The following CCDC178 variants were observed in gnomAD, a reference collection of about 807,000 sequenced individuals.
CCDC178 encodes the protein coiled-coil domain containing 178.
CCDC178 carries 126 observed loss-of-function variants against 117.4 expected under a neutral mutation model. That is an observed-to-expected ratio of 1.07 (90% CI 0.93 to 1.24). The LOEUF (loss-of-function observed/expected upper bound fraction) is 1.24, where lower values mean the gene tolerates loss of function less well. Among genes scored for constraint, CCDC178 ranks in the 50% most tolerant of loss-of-function variants. CCDC178 has a pLI of 0.00. For synonymous variants in CCDC178, 283 were observed against 313.4 expected (o/e 0.90, Z 1.02); for missense variants, 1,030 against 986.9 (o/e 1.04, Z -0.59).
intron 14 of CCDC178, among the ~76,000 whole-genome samples, chr18:33,258,132 A>G (rs2059701535): frequency 6.6e-6 from 1 of 152,120 alleles, no homozygotes; most frequent in Middle Eastern, 3.2e-3. Context: ...TAAATGCACC[A>G]AAGTCCATCC....
chr18:33,413,726 C>A (rs2063891354), intron 2 of CCDC178, among the ~76,000 whole-genome samples: 1 of 152,100 alleles, frequency 6.6e-6, no homozygotes, highest in South Asian at 2.1e-4. Context: ...CCAGGAGAGG[C>A]AACTGAGAGG....
intron 12 of CCDC178, among the ~76,000 whole-genome samples, chr18:33,288,686 T>C (rs2060131848): frequency 2.0e-5 from 3 of 151,926 alleles, no homozygotes; most frequent in African/African-American, 7.3e-5. Context: ...AGAGTGTAGT[T>C]AGAGTTCAAA....
At chr18:32,996,892 G>A (rs942075607) in intron 21 of CCDC178, among the ~76,000 whole-genome samples, 4 of 151,892 alleles carry the variant, frequency 2.6e-5, no homozygotes, top group Admixed American at 2.6e-4. Flanking sequence ...TACCTCAACA[G>A]AAATAAATGA....
In CCDC178 at chr18:33,306,571, AATATATGGTTAT is replaced by A. The variant is rs530551784; in HGVS notation, c.1023-13271_1023-13260del. 1.0e-4 allele frequency among the ~76,000 whole-genome samples: 15 copies of A among 145,286 alleles called. No homozygotes were observed. The South Asian group carries it at 1.1e-3, about 11-fold the overall frequency. On this transcript the variant is annotated intron_variant, in intron 11 of 22. Coordinates refer to ENST00000383096, the MANE Select transcript of CCDC178 (RefSeq NM_001105528.4). ...TGGTTATATATATATGGTTATATAT[AATATATGGTTAT>A]ATATATGGTTATATATGGTTTTTTA... is the stretch of plus-strand genomic sequence containing the variant.
intron 11 of CCDC178, among the ~76,000 whole-genome samples, chr18:33,300,459 G>C (rs1179151050): frequency 2.0e-5 from 3 of 152,182 alleles, no homozygotes; most frequent in Admixed American, 1.3e-4. Context: ...GGAGTTTAGA[G>C]AGCTCAGAAG....
chr18:33,313,830 G>A (rs112686379), intron 11 of CCDC178, among the ~76,000 whole-genome samples: 4 of 152,228 alleles, frequency 2.6e-5, no homozygotes, highest in South Asian at 2.1e-4. Flanking sequence ...TAAGCTCAGC[G>A]CCTCAGGACA....
chr18:33,356,090 T>G (rs2063052983), intron 7 of CCDC178, among the ~76,000 whole-genome samples: 1 of 152,286 alleles, frequency 6.6e-6, no homozygotes, highest in East Asian at 1.9e-4. Context: ...CTGACTGATG[T>G]TTTTGCAAAT....
chr18:33,402,421 A>C (rs575225266), intron 3 of CCDC178, among the ~76,000 whole-genome samples: 1 of 152,306 alleles, frequency 6.6e-6, no homozygotes, highest in East Asian at 1.9e-4. Flanking sequence ...TGAAAAATAA[A>C]GGTCCACATT....
At chr18:33,296,861 C>A (rs1456298559) in intron 11 of CCDC178, among the ~76,000 whole-genome samples, 1 of 152,018 alleles carries the variant, frequency 6.6e-6, no homozygotes, top group Non-Finnish European at 1.5e-5. Context: ...TCTGCCTCTA[C>A]TAAAAATACA....
chr18:32,987,818 C>A lies in CCDC178; in HGVS notation c.2389-13137G>T, dbSNP rs145415348. On this transcript the variant is annotated intron_variant, in intron 21 of 22. Transcript: ENST00000383096. Reference sequence around the variant, plus strand: ...GTAAAGTTAAAAATAATACATTTGGCTGGGTGCAGTGGCTCACGCCTGTAA... The same window carrying A: ...GTAAAGTTAAAAATAATACATTTGGATGGGTGCAGTGGCTCACGCCTGTAA... Among the ~76,000 whole-genome samples, 71 of 152,188 alleles carry A rather than the reference C, an allele frequency of 4.7e-4. No homozygotes were observed. In the East Asian group the frequency reaches 0.013, roughly 28 times the overall value.
chr18:33,394,941 G>GTATATA (rs2063611571), intron 4 of CCDC178, among the ~76,000 whole-genome samples: 1 of 68,772 alleles, frequency 1.5e-5, no homozygotes, highest in African/African-American at 5.8e-5. Flanking sequence ...GTATATGTAT[G>GTATATA]TGTATATATA....
intron 21 of CCDC178, among the ~76,000 whole-genome samples, chr18:32,989,484 G>C (rs986440772): frequency 2.6e-5 from 4 of 152,108 alleles, no homozygotes; most frequent in Admixed American, 6.5e-5. Context: ...TCTGGAAAGA[G>C]CTAGATACTA....
intron 12 of CCDC178, among the ~76,000 whole-genome samples, chr18:33,287,316 T>C (rs1409907888): frequency 6.6e-6 from 1 of 152,228 alleles, no homozygotes; most frequent in Non-Finnish European, 1.5e-5. Context: ...ACATGTGCTC[T>C]TTGAAAATCT....
intron 21 of CCDC178, among the ~76,000 whole-genome samples, chr18:33,049,231 A>G (rs2056699560): frequency 6.6e-6 from 1 of 152,092 alleles, no homozygotes; most frequent in South Asian, 2.1e-4. Context: ...TATAAAAGAA[A>G]TCCTACAAAG....
chr18:33,033,619 C>T lies in CCDC178; in HGVS notation c.2389-58938G>A, dbSNP rs562456133. Among the ~76,000 whole-genome samples the T allele has an allele frequency of 7.2e-5, 11 of 152,160 alleles. 1 individual carries two copies. Among genetic ancestry groups the T allele is most frequent in the Non-Finnish European group, 1.6e-4 (11 of 67,984 alleles). ...AAAATAAAAGAAAGCAAAGACATAA[C>T]TCCCTTCAACCTAGAATCCTTTCTA... On this transcript the variant is annotated intron_variant, in intron 21 of 22. Coordinates refer to ENST00000383096, the MANE Select transcript of CCDC178 (RefSeq NM_001105528.4).
chr18:33,216,840 T>A (rs2059171701), intron 18 of CCDC178, among the ~76,000 whole-genome samples: 1 of 151,978 alleles, frequency 6.6e-6, no homozygotes, highest in Non-Finnish European at 1.5e-5. Flanking sequence ...TAAGATTTGT[T>A]GATAGGTCCA....
chr18:33,290,315 G>T (rs1302672895), intron 12 of CCDC178, among the ~76,000 whole-genome samples: 1 of 151,996 alleles, frequency 6.6e-6, no homozygotes, highest in Non-Finnish European at 1.5e-5. Flanking sequence ...AAACATATCA[G>T]GATCACATTA....
intron 20 of CCDC178, among the ~76,000 whole-genome samples, chr18:33,127,004 A>G (rs1386409645): frequency 1.4e-5 from 2 of 144,222 alleles, no homozygotes; most frequent in Non-Finnish European, 3.0e-5. Context: ...AAAAATATAT[A>G]TATATATATA....
chr18:33,390,677 G>A (rs2063552079), intron 4 of CCDC178, among the ~76,000 whole-genome samples: 1 of 151,980 alleles, frequency 6.6e-6, no homozygotes. Flanking sequence ...GCCTATAGTA[G>A]GTGAGGAACT....
Sources: allele counts gnomAD v4.1 joint callset (sites outside exome capture counted in the v4.1 genomes callset), GRCh38; gene constraint gnomAD v4.1.1; transcripts MANE v1.5; gene names NCBI Gene and HGNC (gene_info 2026-07-23, HGNC 2026-07-21).